The following GPC5 variants were observed in gnomAD, a reference collection of about 807,000 sequenced individuals.
GPC5 encodes the protein glypican 5, also known as glypican-5.
Under a neutral mutation model 53.9 loss-of-function variants are expected in GPC5, and 47 were observed. The ratio of observed to expected loss-of-function variants is 0.87; its 90% CI spans 0.69 to 1.11. The LOEUF is 1.11. Ranked by LOEUF, GPC5 falls within the 50% of genes most tolerant of loss-of-function variation. The pLI is 0.00. For missense variants in GPC5, 748 were observed against 713.1 expected (o/e 1.05, Z -0.56); for synonymous variants, 286 against 263.3 (o/e 1.09, Z -0.84).
At chr13:91,992,669 G>C (rs1045155852) in intron 6 of GPC5, among the ~76,000 whole-genome samples, 1 of 151,578 alleles carries the variant, frequency 6.6e-6, no homozygotes, top group African/African-American at 2.4e-5. Context: ...TGTTGGCCAG[G>C]CTGGTTTTGA....
chr13:91,831,675 G>GAA (rs148023706), intron 5 of GPC5, among the ~76,000 whole-genome samples: 3 of 148,682 alleles, frequency 2.0e-5, no homozygotes, highest in Non-Finnish European at 3.0e-5. Context: ...CTAAAACTTT[G>GAA]AAAAAAAAAG....
At chr13:92,804,685 T>C (rs558573331) in intron 7 of GPC5, among the ~76,000 whole-genome samples, 1 of 152,122 alleles carries the variant, frequency 6.6e-6, no homozygotes, top group African/African-American at 2.4e-5. Context: ...GAGACAACAA[T>C]GAAGTCTGCC....
rs187014399 is a variant in GPC5 at position 91,824,538 on chromosome 13, A to C, written c.1280+68118A>C. Among the ~76,000 whole-genome samples, 619 of 152,264 alleles carry C rather than the reference A, an allele frequency of 4.1e-3. 4 individuals carry two copies. The highest frequency in any genetic ancestry group is 0.014 in the African/African-American group (601 of 41,578). On this transcript the variant is annotated intron_variant, in intron 5 of 7. Transcript: ENST00000377067. ...GATAATTAATGGTTTATGATTTTGG[A>C]TAAGTTACTTTAAGTTTTTCAGCTT...
At chr13:92,514,859 C>T (rs1278258061) in intron 7 of GPC5, among the ~76,000 whole-genome samples, 1 of 152,136 alleles carries the variant, frequency 6.6e-6, no homozygotes, top group African/African-American at 2.4e-5. Context: ...AAGCATGACT[C>T]TTATCTGTGA....
intron 7 of GPC5, among the ~76,000 whole-genome samples, chr13:92,470,213 A>C (rs1878855113): frequency 1.3e-5 from 2 of 152,168 alleles, no homozygotes; most frequent in African/African-American, 4.8e-5. Flanking sequence ...TGGTCCCATT[A>C]AAAGAGGTCT....
chr13:91,473,088 G>A (rs1420512381), intron 2 of GPC5, among the ~76,000 whole-genome samples: 3 of 152,072 alleles, frequency 2.0e-5, no homozygotes, highest in African/African-American at 7.2e-5. Context: ...CATGGTGGAA[G>A]GTGAGAGTGT....
intron 6 of GPC5, among the ~76,000 whole-genome samples, chr13:91,960,025 G>A (rs1293285342): frequency 6.7e-6 from 1 of 149,532 alleles, no homozygotes; most frequent in African/African-American, 2.5e-5. Flanking sequence ...CTAAGAACTG[G>A]ACAAGACTTT....
chr13:91,454,441 C>G (rs533336373), intron 2 of GPC5, among the ~76,000 whole-genome samples: 1 of 151,962 alleles, frequency 6.6e-6, no homozygotes, highest in African/African-American at 2.4e-5. Flanking sequence ...ATCTTGCAAG[C>G]ACAGTAATTT....
chr13:92,071,408 C>T (rs1471095732), intron 6 of GPC5, among the ~76,000 whole-genome samples: 10 of 151,972 alleles, frequency 6.6e-5, no homozygotes, highest in Non-Finnish European at 8.8e-5. Context: ...ATATTTTCTT[C>T]CAAAATTTTT....
intron 6 of GPC5, among the ~76,000 whole-genome samples, chr13:92,066,888 T>G (rs2041171799): frequency 6.6e-6 from 1 of 152,062 alleles, no homozygotes; most frequent in East Asian, 1.9e-4. Flanking sequence ...CCAGATAGCT[T>G]TAAGCAAATG....
intron 7 of GPC5, among the ~76,000 whole-genome samples, chr13:92,179,592 A>G (rs2042132002): frequency 6.6e-6 from 1 of 152,358 alleles, no homozygotes; most frequent in Non-Finnish European, 1.5e-5. Context: ...TCTCTCATCA[A>G]TGAGTAGGCA....
chr13:92,323,833 T>G (rs2043231988), intron 7 of GPC5, among the ~76,000 whole-genome samples: 1 of 151,908 alleles, frequency 6.6e-6, no homozygotes, highest in Admixed American at 6.6e-5. Context: ...ATATAGATGA[T>G]ATATTAGGGT....
At chr13:92,001,053 C>A (rs771628080) in intron 6 of GPC5, among the ~76,000 whole-genome samples, 2 of 152,312 alleles carry the variant, frequency 1.3e-5, no homozygotes, top group Non-Finnish European at 2.9e-5. Context: ...GTAAGTATGT[C>A]TTCCTTGGAT....
chr13:92,562,995 G>C (rs1276892947), intron 7 of GPC5, among the ~76,000 whole-genome samples: 1 of 151,984 alleles, frequency 6.6e-6, no homozygotes. Flanking sequence ...CAATAGTACT[G>C]TGTAACAGCA....
At chr13:91,875,584 T>G (rs1052284047) in intron 5 of GPC5, among the ~76,000 whole-genome samples, 1 of 152,210 alleles carries the variant, frequency 6.6e-6, no homozygotes, top group African/African-American at 2.4e-5. Context: ...ACATTTCTGT[T>G]TGTTCTCCAT....
At chr13:92,019,201 C>G (rs2040735127) in intron 6 of GPC5, among the ~76,000 whole-genome samples, 1 of 151,724 alleles carries the variant, frequency 6.6e-6, no homozygotes, top group Non-Finnish European at 1.5e-5. Flanking sequence ...CATACACATA[C>G]TCTCTCTCTA....
At chr13:92,495,631 T>G (rs1337797358) in intron 7 of GPC5, among the ~76,000 whole-genome samples, 1 of 151,992 alleles carries the variant, frequency 6.6e-6, no homozygotes, top group East Asian at 1.9e-4. Context: ...GAGACTTTTT[T>G]TTTTTTTTTT....
chr13:91,405,366 C>T (rs1877243616), intron 1 of GPC5, among the ~76,000 whole-genome samples: 1 of 152,178 alleles, frequency 6.6e-6, no homozygotes, highest in Admixed American at 6.5e-5. Flanking sequence ...TGACTCCTGA[C>T]TTTGCCAACT....
intron 6 of GPC5, among the ~76,000 whole-genome samples, chr13:92,110,214 T>A (rs76186259): frequency 0.032 from 4,896 of 152,166 alleles, 274 homozygotes; most frequent in African/African-American, 0.11. Flanking sequence ...TATCACCACC[T>A]CCAAATACAT....
Sources: allele counts gnomAD v4.1 joint callset (sites outside exome capture counted in the v4.1 genomes callset), GRCh38; gene constraint gnomAD v4.1.1; transcripts MANE v1.5; gene names NCBI Gene and HGNC (gene_info 2026-07-23, HGNC 2026-07-21).